The following LRRC37A2 variants were observed in gnomAD, a reference collection of about 807,000 sequenced individuals.
LRRC37A2 encodes the protein leucine rich repeat containing 37 member A2.
LRRC37A2 carries 9 observed loss-of-function variants against 68.8 expected under a neutral mutation model. That is an observed-to-expected ratio of 0.13 (90% CI 0.08 to 0.23). LRRC37A2 has a LOEUF of 0.23. Among genes scored for constraint, LRRC37A2 ranks in the 10% least tolerant of loss-of-function variants. The probability of loss-of-function intolerance (pLI) is 1.00; values close to 1 mark genes in which losing one functional copy is unlikely to be tolerated. For synonymous variants in LRRC37A2, 63 were observed against 367.6 expected (o/e 0.17, Z 9.48); for missense variants, 168 against 950.4 (o/e 0.18, Z 10.82).
the LRRC37A2 span, among the ~76,000 whole-genome samples, chr17:46,726,035 G>T: frequency 6.6e-6 from 1 of 152,004 alleles, no homozygotes; most frequent in Non-Finnish European, 1.5e-5. Context: ...GGTTTTATAC[G>T]TACATCTATC....
the LRRC37A2 span, chr17:46,768,911 C>T: frequency 6.8e-7 from 1 of 1,479,106 alleles, no homozygotes; most frequent in Non-Finnish European, 9.0e-7. This position sits in a 1 kb window ranked among gnomAD's most constrained non-coding sequence, Gnocchi z 5.0. Flanking sequence ...CTCTACTCCT[C>T]TGTGACAGGA....
chr17:47,035,393 A>G, the LRRC37A2 span, among the ~76,000 whole-genome samples: 10 of 152,128 alleles, frequency 6.6e-5, no homozygotes, highest in Non-Finnish European at 1.3e-4. Flanking sequence ...CCTATTCTAG[A>G]TCTTTCATAT....
chr17:46,767,675 A>C, the LRRC37A2 span, among the ~76,000 whole-genome samples: 104 of 152,358 alleles, frequency 6.8e-4, no homozygotes, highest in African/African-American at 2.5e-3. Flanking sequence ...CTCAAGAATG[A>C]CAGCTAGCAG....
chr17:46,959,103 G>A, the LRRC37A2 span, among the ~76,000 whole-genome samples: 4 of 152,226 alleles, frequency 2.6e-5, no homozygotes, highest in African/African-American at 9.7e-5. Flanking sequence ...TACAAAGACT[G>A]TGGTGGGAAT....
chr17:46,786,586 G>T, the LRRC37A2 span, among the ~76,000 whole-genome samples: 3 of 152,240 alleles, frequency 2.0e-5, no homozygotes, highest in Admixed American at 2.0e-4. Flanking sequence ...GCTGAGAGCT[G>T]GGTCCGTTTC....
chr17:46,713,700 A>C, the LRRC37A2 span, among the ~76,000 whole-genome samples: 1 of 152,244 alleles, frequency 6.6e-6, no homozygotes, highest in African/African-American at 2.4e-5. Context: ...CTAATAAATA[A>C]GAGAAAACAT....
chr17:46,844,305 C>CTTTTTTTTT, the LRRC37A2 span, among the ~76,000 whole-genome samples: 1 of 127,418 alleles, frequency 7.8e-6, no homozygotes, highest in East Asian at 2.2e-4. Flanking sequence ...AGTTAGCCAC[C>CTTTTTTTTT]TTTTTTTTTT....
the LRRC37A2 span, chr17:47,019,237 C>T: frequency 2.0e-6 from 3 of 1,538,318 alleles, no homozygotes; most frequent in South Asian, 3.4e-5. Context: ...GAGGTTGAAC[C>T]TTCTACAGCC....
chr17:46,609,247 ATTT>A, the LRRC37A2 span, among the ~76,000 whole-genome samples: 1 of 148,286 alleles, frequency 6.7e-6, no homozygotes, highest in African/African-American at 2.6e-5. Flanking sequence ...CAATGTATGC[ATTT>A]TTGTGTATAT....
chr17:46,878,332 T>C, the LRRC37A2 span, among the ~76,000 whole-genome samples: 2 of 152,112 alleles, frequency 1.3e-5, no homozygotes, highest in Non-Finnish European at 2.9e-5. Context: ...CTGTGCCAGC[T>C]CCAGGACAAA....
the LRRC37A2 span, among the ~76,000 whole-genome samples, chr17:46,776,481 A>G: frequency 7.0e-4 from 107 of 152,302 alleles, 1 homozygote; most frequent in Middle Eastern, 6.8e-3. Flanking sequence ...CTTCATTATC[A>G]TCGCCATTGT....
chr17:46,967,813 G>A, the LRRC37A2 span, among the ~76,000 whole-genome samples: 7 of 152,122 alleles, frequency 4.6e-5, no homozygotes, highest in Non-Finnish European at 8.8e-5. Flanking sequence ...TGGCAGTGAA[G>A]GAAAGATAAA....
the LRRC37A2 span, among the ~76,000 whole-genome samples, chr17:46,845,414 C>T: frequency 6.6e-6 from 1 of 151,662 alleles, no homozygotes; most frequent in South Asian, 2.1e-4. Context: ...AGTGCCCAAA[C>T]AGAGCTTGGA....
At chr17:46,715,683 T>C in the LRRC37A2 span, among the ~76,000 whole-genome samples, 9 of 152,356 alleles carry the variant, frequency 5.9e-5, no homozygotes, top group Non-Finnish European at 1.2e-4. Flanking sequence ...ATATTATCAT[T>C]TTTATTATTT....
chr17:46,754,468 C>G, the LRRC37A2 span, among the ~76,000 whole-genome samples: 1 of 152,072 alleles, frequency 6.6e-6, no homozygotes, highest in Non-Finnish European at 1.5e-5. Context: ...CAGACTCCTG[C>G]TCTGAAACAT....
the LRRC37A2 span, among the ~76,000 whole-genome samples, chr17:46,707,333 A>G: frequency 5.2e-4 from 79 of 152,288 alleles, no homozygotes; most frequent in Admixed American, 9.8e-4. Flanking sequence ...TATTTGATTG[A>G]TACAAGTTCT....
the LRRC37A2 span, chr17:46,964,249 C>T: frequency 1.3e-5 from 2 of 152,220 alleles, no homozygotes; most frequent in African/African-American, 4.8e-5. Flanking sequence ...TCATCAAAAA[C>T]CCACTGAGAA....
the LRRC37A2 span, among the ~76,000 whole-genome samples, chr17:46,734,349 A>G: frequency 6.6e-6 from 1 of 152,220 alleles, no homozygotes; most frequent in East Asian, 1.9e-4. Context: ...ATTAATTTTA[A>G]TCCACTGATG....
the LRRC37A2 span, chr17:46,975,084 A>G: frequency 1.3e-5 from 2 of 150,850 alleles, no homozygotes; most frequent in African/African-American, 4.9e-5. Context: ...AACAAAACTA[A>G]CAATAACCCT....
Sources: allele counts gnomAD v4.1 joint callset (sites outside exome capture counted in the v4.1 genomes callset), GRCh38; gene constraint gnomAD v4.1.1; non-coding constraint Gnocchi (gnomAD v3.1); transcripts MANE v1.5; gene names NCBI Gene and HGNC (gene_info 2026-07-23, HGNC 2026-07-21).